The following DMD variants were observed in gnomAD, a reference collection of about 807,000 sequenced individuals.
DMD encodes mutant dystrophin.
DMD carries 63 observed loss-of-function variants against 330.1 expected under a neutral mutation model. The observed-to-expected ratio is 0.19, with a 90% CI of 0.16 to 0.24. DMD has a LOEUF of 0.24. DMD is among the 10% of genes least tolerant of loss of function. DMD has a pLI of 1.00. For synonymous variants in DMD, 1,223 were observed against 959.8 expected (o/e 1.27, Z -5.07); for missense variants, 3,344 against 2,684.1 (o/e 1.25, Z -5.43).
At chrX:31,842,745 G>C (rs1298122543) in intron 48 of DMD, among the ~76,000 whole-genome samples, 2 of 111,598 alleles carry the variant, frequency 1.8e-5, no homozygotes, top group Non-Finnish European at 3.8e-5. Flanking sequence ...AGATTTAAGG[G>C]GTACATGTGC....
intron 60 of DMD, among the ~76,000 whole-genome samples, chrX:31,417,909 G>A (rs1332316225): frequency 3.7e-5 from 4 of 108,501 alleles, no homozygotes; most frequent in Non-Finnish European, 7.6e-5. Flanking sequence ...GGCTGGTCTC[G>A]AACTCCTGAC....
In DMD at chrX:31,822,746, C is replaced by T. The variant is rs1030122581; in HGVS notation, c.7201-2663G>A. Among the ~76,000 whole-genome samples, 5 of 102,908 alleles carry T rather than the reference C, an allele frequency of 4.9e-5. No homozygotes were observed. In the Admixed American group the frequency reaches 5.5e-4, roughly 11 times the overall value. The allele number at this position is 102,908 out of a possible 115,157, so 89.4% of individuals were successfully genotyped here. ...GTTGAGATTTTGAGCTGGTAAACGA[C>T]GAAGAGAAACTTGCCATCAAATTGT... On this transcript the variant is annotated intron_variant, in intron 49 of 78. Transcript: ENST00000357033.
rs1211053306 is a variant in DMD, at chrX:32,534,331, T to G, written c.2168+10828A>C. 2.7e-5 allele frequency among the ~76,000 whole-genome samples: 3 copies of G among 111,542 alleles called. No homozygotes were observed. The East Asian group carries it at 8.5e-4, about 32-fold the overall frequency. ...GGAAATGGGGCCTGGTGGCAGGTGT[T>G]TGGATCATGGGAGCGGATCCCTCAC... On this transcript the variant is annotated intron_variant, in intron 17 of 78. Coordinates refer to ENST00000357033, the MANE Select transcript of DMD (RefSeq NM_004006.3).
At chrX:32,061,119 TA>T (rs1204788851) in intron 44 of DMD, among the ~76,000 whole-genome samples, 2 of 111,333 alleles carry the variant, frequency 1.8e-5, no homozygotes, top group Non-Finnish European at 3.8e-5. Flanking sequence ...ATGAGAACCA[TA>T]ACCCCAGGCC....
chrX:31,958,111 TTTTTTTTTTAA>T (rs1299008076), intron 45 of DMD, among the ~76,000 whole-genome samples: 2 of 103,933 alleles, frequency 1.9e-5, no homozygotes, highest in Admixed American at 1.0e-4. Flanking sequence ...TTTTTTTTTT[TTTTTTTTTTAA>T]AAATGGTACA....
chrX:31,192,693 T>A (rs1013761508), intron 67 of DMD, among the ~76,000 whole-genome samples: 1 of 111,956 alleles, frequency 8.9e-6, no homozygotes. Context: ...ATGTTACAGA[T>A]AAGAAAAGGC....
At chrX:33,128,334 GCAGA>G (rs766448434) in intron 1 of DMD, 1 of 1,026,074 alleles carries the variant, frequency 9.7e-7, no homozygotes, top group Admixed American at 4.2e-5. Flanking sequence ...CCTCACAAAA[GCAGA>G]CAAACACACA....
intron 8 of DMD, among the ~76,000 whole-genome samples, chrX:32,698,499 G>A (rs943007179): frequency 3.6e-5 from 4 of 111,715 alleles, no homozygotes; most frequent in African/African-American, 1.3e-4. Context: ...GTTTGTGCCT[G>A]AGAAAGCATA....
At chrX:32,823,835 C>A (rs1306432630) in intron 4 of DMD, among the ~76,000 whole-genome samples, 1 of 111,409 alleles carries the variant, frequency 9.0e-6, no homozygotes, top group Non-Finnish European at 1.9e-5. Flanking sequence ...ATGGAGCAAA[C>A]TGCCAGCTCT....
chrX:31,338,657 A>G (rs112215840), intron 61 of DMD, among the ~76,000 whole-genome samples: 1,197 of 110,662 alleles, frequency 0.011, 18 homozygotes, highest in African/African-American at 0.038. Context: ...AAGAAGCCCC[A>G]TCTATCTAAA....
chrX:32,793,407 G>A (rs751461382), intron 7 of DMD, among the ~76,000 whole-genome samples: 1 of 110,031 alleles, frequency 9.1e-6, no homozygotes, highest in Non-Finnish European at 1.9e-5. Flanking sequence ...ACCAAACCCA[G>A]AATTAGTAGA....
At chrX:32,898,105 C>A (rs2085896156) in intron 2 of DMD, among the ~76,000 whole-genome samples, 1 of 111,648 alleles carries the variant, frequency 9.0e-6, no homozygotes, top group Non-Finnish European at 1.9e-5. Flanking sequence ...TGCTATGGAC[C>A]GTGTTCTGAT....
At chrX:33,273,354 TAATC>T (rs1392848189) in intron 1 of DMD, among the ~76,000 whole-genome samples, 1 of 112,682 alleles carries the variant, frequency 8.9e-6, no homozygotes, top group Non-Finnish European at 1.9e-5. Context: ...TCAAGAATAG[TAATC>T]AGTCAGTGGC....
intron 63 of DMD, among the ~76,000 whole-genome samples, chrX:31,259,908 T>C (rs752316739): frequency 4.5e-5 from 5 of 110,911 alleles, no homozygotes; most frequent in Non-Finnish European, 7.5e-5. Flanking sequence ...GTTCATCACA[T>C]AACCTTAAAT....
chrX:32,735,395 C>T (rs1302323822), intron 7 of DMD, among the ~76,000 whole-genome samples: 1 of 110,782 alleles, frequency 9.0e-6, no homozygotes, highest in Non-Finnish European at 1.9e-5. Context: ...TGCCTTTCTT[C>T]ACAGAATTGG....
intron 2 of DMD, among the ~76,000 whole-genome samples, chrX:32,938,450 G>A (rs887503521): frequency 1.8e-5 from 2 of 111,130 alleles, no homozygotes; most frequent in African/African-American, 3.3e-5. Flanking sequence ...CTCTGTCCCT[G>A]ATAAATGAAA....
At chrX:32,425,483 A>G (rs2098208500) in intron 29 of DMD, among the ~76,000 whole-genome samples, 1 of 111,533 alleles carries the variant, frequency 9.0e-6, no homozygotes, top group Admixed American at 9.6e-5. Flanking sequence ...AAACATGCTT[A>G]AATTTTTATT....
intron 64 of DMD, among the ~76,000 whole-genome samples, chrX:31,218,908 T>TG (rs1321975320): frequency 9.0e-6 from 1 of 111,309 alleles, no homozygotes; most frequent in Non-Finnish European, 1.9e-5. Context: ...AACATTGGCA[T>TG]GGGGGACTCA....
chrX:31,278,273 A>G (rs2052341434), intron 62 of DMD, among the ~76,000 whole-genome samples: 1 of 111,906 alleles, frequency 8.9e-6, no homozygotes, highest in South Asian at 3.7e-4. Context: ...ATCATGCATC[A>G]TTATAATTTC....
Sources: allele counts gnomAD v4.1 joint callset (sites outside exome capture counted in the v4.1 genomes callset), GRCh38; gene constraint gnomAD v4.1.1; transcripts MANE v1.5; gene names NCBI Gene and HGNC (gene_info 2026-07-23, HGNC 2026-07-21).